EIF4G3: variants seen among roughly 807,000 people sequenced by gnomAD.
EIF4G3 encodes the protein eukaryotic translation initiation factor 4 gamma 3.
In EIF4G3, 34 loss-of-function variants were observed where a neutral mutation model predicts 186.4. The ratio of observed to expected loss-of-function variants is 0.18; its 90% CI spans 0.14 to 0.24. The LOEUF is 0.24. Ranked by LOEUF, EIF4G3 falls within the 10% of genes least tolerant of loss-of-function variation. The probability of loss-of-function intolerance (pLI) is 1.00; values close to 1 mark genes in which losing one functional copy is unlikely to be tolerated. For missense variants in EIF4G3, 1,536 were observed against 1,948.5 expected, an observed-to-expected ratio of 0.79 and a Z score of 3.99; for synonymous variants, 673 against 679.5, an observed-to-expected ratio of 0.99 and a Z score of 0.15.
chr1:21,157,585 T>G (rs971642206), intron 2 of EIF4G3, among the ~76,000 whole-genome samples: 1 of 151,982 alleles, frequency 6.6e-6, no homozygotes, highest in African/African-American at 2.4e-5. Flanking sequence ...GCTCCTTCTG[T>G]CTAGCCTCCC....
In EIF4G3 at chr1:21,167,861, A is replaced by G. The variant is rs557465111; in HGVS notation, c.-272+8314T>C. ...AAAGAGATAATAAAGAAATGTAAAT[A>G]ATTGTATGGGAAAAAAACTTGTGAT... On this transcript the variant is annotated intron_variant, in intron 2 of 36. Coordinates refer to ENST00000602326, the MANE Select transcript of EIF4G3 (RefSeq NM_001391906.1). The G allele has an allele frequency of 8.4e-5, 24 of 284,572 alleles. No individual in the cohort carries two copies. The Admixed American group carries it at 8.8e-4, about 10-fold the overall frequency. 17.6% of individuals were successfully genotyped at this position (284,572 alleles called of 1,614,324 possible). A position where few individuals can be genotyped will look rare whatever the true frequency, so the allele number is the denominator to read the frequency against.
At chr1:20,941,248 G>A (rs534704279) in intron 14 of EIF4G3, 44 of 1,541,424 alleles carry the variant, frequency 2.9e-5, no homozygotes, top group African/African-American at 8.3e-5. Flanking sequence ...AACATGTTTC[G>A]TGACATATAC....
At chr1:21,147,030 A>AG (rs1244421838) in intron 2 of EIF4G3, among the ~76,000 whole-genome samples, 1 of 151,930 alleles carries the variant, frequency 6.6e-6, no homozygotes, top group Non-Finnish European at 1.5e-5. Context: ...TGGGAGGCTG[A>AG]GGCGGGCAGA....
intron 12 of EIF4G3, among the ~76,000 whole-genome samples, chr1:20,959,240 T>C (rs1417598175): frequency 6.6e-6 from 1 of 152,062 alleles, no homozygotes; most frequent in East Asian, 1.9e-4. Context: ...GCCAAGAAAG[T>C]ACAGCCAACT....
intron 4 of EIF4G3, among the ~76,000 whole-genome samples, chr1:21,045,889 A>C (rs957727892): frequency 6.6e-6 from 1 of 152,206 alleles, no homozygotes; most frequent in African/African-American, 2.4e-5. Context: ...GGCTACTTTC[A>C]AGTTAGTGTC....
chr1:21,093,303 C>T (rs142361156), intron 2 of EIF4G3, among the ~76,000 whole-genome samples: 3,701 of 152,272 alleles, frequency 0.024, 78 homozygotes, highest in Middle Eastern at 0.048. Flanking sequence ...TATGAACAGA[C>T]ACTTCTCAAA....
chr1:20,842,269 G>A (rs888024702), intron 29 of EIF4G3, among the ~76,000 whole-genome samples: 1 of 152,122 alleles, frequency 6.6e-6, no homozygotes, highest in Non-Finnish European at 1.5e-5. Context: ...TACATGTTAT[G>A]TTGTTCAGAT....
At position 21,001,229 on chromosome 1, in the gene EIF4G3, C is replaced by T. The variant is rs1351707372; in HGVS notation, c.114G>A (p.Leu38=). 1 of 471,630 alleles carries T rather than the reference C, an allele frequency of 2.1e-6. No individual in the cohort carries two copies. Among genetic ancestry groups the T allele is most frequent in the Non-Finnish European group, 4.4e-6 (1 of 227,142 alleles). The allele number at this position is 471,630 out of a possible 1,614,324, so 29.2% of individuals were successfully genotyped here. A position where few individuals can be genotyped will look rare whatever the true frequency, so the allele number is the denominator to read the frequency against. ...AGTATTTTATCCAGCCTCTTCCAGC[C>T]AAGGACCTGTAAACGGGAGTCTGTT... ...VLEQTPVYRS[L]AGRGWIKYCI... Residue 38 remains leucine (L), a synonymous_variant, in exon 6 of 37, where the codon TTG becomes TTA. Transcript: ENST00000602326.
chr1:21,103,821 G>A (rs1009774408), intron 2 of EIF4G3, among the ~76,000 whole-genome samples: 5 of 152,020 alleles, frequency 3.3e-5, no homozygotes, highest in Non-Finnish European at 7.4e-5. Context: ...TCCAACCTGG[G>A]CAACAGAGCA....
chr1:20,855,664 T>C (rs1317328003), intron 25 of EIF4G3, among the ~76,000 whole-genome samples: 2 of 152,220 alleles, frequency 1.3e-5, no homozygotes, highest in Non-Finnish European at 1.5e-5. Flanking sequence ...CATATTATTA[T>C]AAAATACATA....
rs567327407 is a variant in EIF4G3 at position 21,138,884 on chromosome 1, T to G, written c.-272+37291A>C. On this transcript the variant is annotated intron_variant, in intron 2 of 36. Transcript: ENST00000602326. ...TACTATCATTGCCCATTAATTTGGGTTTTTTTGCTTTGTTTTTTCAGACAA... is the reference window on the plus strand; with the variant it reads ...TACTATCATTGCCCATTAATTTGGGGTTTTTTGCTTTGTTTTTTCAGACAA... Among the ~76,000 whole-genome samples the G allele has an allele frequency of 1.3e-3, 191 of 152,130 alleles. 1 individual carries two copies. Among genetic ancestry groups the G allele is most frequent in the African/African-American group, 4.4e-3 (184 of 41,512 alleles).
chr1:20,928,278 C>T (rs1321783464), intron 14 of EIF4G3, among the ~76,000 whole-genome samples: 1 of 152,250 alleles, frequency 6.6e-6, no homozygotes, highest in South Asian at 2.1e-4. Context: ...TGGCTGTACA[C>T]AAATACTCCT....
chr1:20,893,960 T>A (rs1261946265), intron 17 of EIF4G3, among the ~76,000 whole-genome samples: 1 of 150,620 alleles, frequency 6.6e-6, no homozygotes, highest in Non-Finnish European at 1.5e-5. Flanking sequence ...AGATCCTCTA[T>A]ACTAGGGTCA....
chr1:21,166,123 C>CTTTTTTTTTTTTTTTTTTTTTTTTTTTT (rs1573668577), intron 2 of EIF4G3, among the ~76,000 whole-genome samples: 1 of 105,668 alleles, frequency 9.5e-6, no homozygotes, highest in Admixed American at 9.8e-5. Context: ...CTTTTTTTTC[C>CTTTTTTTTTTTTTTTTTTTTTTTTTTTT]TTTTAAAAAT....
Position 21,172,362 on chromosome 1 carries a change from G to A in EIF4G3, c.-272+3813C>T, listed in dbSNP as rs565298784. On this transcript the variant is annotated intron_variant, in intron 2 of 36. Transcript: ENST00000602326. ...GTTATCACTGTACTTGCCTCATGAC[G>A]TTTTGTTTACCCACCTCTAACCAAA... Among the ~76,000 whole-genome samples, 23 of 152,136 alleles carry A rather than the reference G, an allele frequency of 1.5e-4. No homozygotes were observed. The East Asian group carries it at 4.1e-3, about 27-fold the overall frequency.
chr1:20,846,164 T>C (rs2070931833), intron 29 of EIF4G3, among the ~76,000 whole-genome samples: 1 of 152,226 alleles, frequency 6.6e-6, no homozygotes, highest in Non-Finnish European at 1.5e-5. Context: ...CTGAAGTTGC[T>C]TATCAGCTTA....
intron 5 of EIF4G3, among the ~76,000 whole-genome samples, chr1:21,002,400 C>T (rs2083752621): frequency 6.6e-6 from 1 of 152,086 alleles, no homozygotes; most frequent in Admixed American, 6.5e-5. Context: ...AACAGTACAA[C>T]TAACAAAAAT....
chr1:20,827,595 T>G, intron 32 of EIF4G3, 22 bp downstream of exon 32: 1 of 1,491,612 alleles, frequency 6.7e-7, no homozygotes, highest in Non-Finnish European at 9.3e-7. Flanking sequence ...CTGTTGAGTC[T>G]GACACTCAGT....
intron 2 of EIF4G3, among the ~76,000 whole-genome samples, chr1:21,099,099 C>T (rs1041809098): frequency 6.6e-6 from 1 of 151,990 alleles, no homozygotes; most frequent in African/African-American, 2.4e-5. Context: ...CTAACTGAAA[C>T]CATAAAAAAA....
Sources: allele counts gnomAD v4.1 joint callset (sites outside exome capture counted in the v4.1 genomes callset), GRCh38; gene constraint gnomAD v4.1.1; transcripts MANE v1.5; gene names NCBI Gene and HGNC (gene_info 2026-07-23, HGNC 2026-07-21).